The following ABAT variants were observed in gnomAD, a reference collection of about 807,000 sequenced individuals.
The protein encoded by ABAT is 4-aminobutyrate aminotransferase, also known as 4-aminobutyrate aminotransferase, mitochondrial.
A neutral mutation model predicts 64.6 loss-of-function variants in ABAT; 45 were observed. The ratio of observed to expected loss-of-function variants is 0.70; its 90% confidence interval spans 0.55 to 0.89. The LOEUF (loss-of-function observed/expected upper bound fraction) is 0.89, where lower values mean the gene tolerates loss of function less well. Ranked by LOEUF, ABAT falls within the 40% of genes least tolerant of loss-of-function variation. The probability of loss-of-function intolerance (pLI) is 0.00; values close to 1 mark genes in which losing one functional copy is unlikely to be tolerated. For synonymous variants in ABAT, 297 were observed against 250.5 expected (o/e 1.19, Z -1.75); for missense variants, 633 against 658.4 (o/e 0.96, Z 0.42).
intron 1 of ABAT, among the ~76,000 whole-genome samples, chr16:8,718,418 A>C (rs2142148140): frequency 6.6e-6 from 1 of 152,336 alleles, no homozygotes; most frequent in South Asian, 2.1e-4. Flanking sequence ...AATGGCAATG[A>C]AAAAAAGTTT....
intron 1 of ABAT, among the ~76,000 whole-genome samples, chr16:8,679,063 G>C (rs987101147): frequency 6.6e-6 from 1 of 152,082 alleles, no homozygotes; most frequent in African/African-American, 2.4e-5. Flanking sequence ...TCACGTCTGC[G>C]ATCCCAGCAC....
Position 8,768,725 on chromosome 16 carries a change from C to T in ABAT, c.668-100C>T, listed in dbSNP as rs1242221466. 4.5e-6 allele frequency: 7 copies of T among 1,552,180 alleles called. No homozygotes were observed. The East Asian group carries it at 1.3e-4, about 30-fold the overall frequency. ...CACAGGCAACAGGCCTCCCTGCCCACTGACAGCCTTGCGCTGAAATGTCTA... is the reference window on the plus strand; with the variant it reads ...CACAGGCAACAGGCCTCCCTGCCCATTGACAGCCTTGCGCTGAAATGTCTA... On this transcript the variant is annotated intron_variant, in intron 10 of 15. Coordinates refer to ENST00000268251, the MANE Select transcript of ABAT (RefSeq NM_020686.6).
At chr16:8,697,882 C>A (rs1857860763) in intron 1 of ABAT, among the ~76,000 whole-genome samples, 1 of 152,196 alleles carries the variant, frequency 6.6e-6, no homozygotes, top group African/African-American at 2.4e-5. Flanking sequence ...AGTGATCCAC[C>A]TGCGTCAGCC....
intron 5 of ABAT, among the ~76,000 whole-genome samples, chr16:8,756,102 A>T (rs1405406551): frequency 6.6e-6 from 1 of 151,472 alleles, no homozygotes; most frequent in Admixed American, 6.6e-5. Context: ...AAACCCAGCT[A>T]CTCCGGAGGC....
intron 1 of ABAT, among the ~76,000 whole-genome samples, chr16:8,686,216 C>T (rs1273793402): frequency 6.6e-6 from 1 of 152,224 alleles, no homozygotes; most frequent in Non-Finnish European, 1.5e-5. Flanking sequence ...GGTCTGGGGA[C>T]AGGCTGAAAA....
intron 1 of ABAT, among the ~76,000 whole-genome samples, chr16:8,684,260 C>T (rs1383380957): frequency 6.6e-6 from 1 of 152,030 alleles, no homozygotes; most frequent in East Asian, 1.9e-4. Flanking sequence ...GAAGCCGTTC[C>T]AAGAAAATCG....
intron 2 of ABAT, chr16:8,738,484 T>A (rs1434151813): frequency 4.4e-6 from 2 of 455,896 alleles, no homozygotes; most frequent in Non-Finnish European, 8.8e-6. Context: ...TTGTCTCATC[T>A]TCCATGGCCT....
chr16:8,779,815 GTGGACAC>G (rs1161205733), intron 15 of ABAT, among the ~76,000 whole-genome samples: 12 of 152,202 alleles, frequency 7.9e-5, no homozygotes, highest in Admixed American at 7.9e-4. Flanking sequence ...TGAGTTGTAA[GTGGACAC>G]TGGAGACAGT....
chr16:8,743,113 AAAAG>A lies in ABAT; in HGVS notation c.71-2887_71-2884del, dbSNP rs1437303095. Among the ~76,000 whole-genome samples the A allele has an allele frequency of 6.1e-4, 92 of 151,778 alleles. 5 individuals are homozygous for A. The highest frequency in any genetic ancestry group is 6.0e-3 in the Admixed American group (91 of 15,230). The stretch of plus-strand genomic sequence containing the variant: ...TTTTTCAGATCAAAGAGAAGAAAAT[AAAAG>A]CTGTTTTTCTTCATCCTTATATAAG... On this transcript the variant is annotated intron_variant, in intron 2 of 15. Coordinates refer to ENST00000268251, the MANE Select transcript of ABAT (RefSeq NM_020686.6).
In ABAT at chr16:8,746,038, C is replaced by A. The variant is rs751650520; in HGVS notation, c.108C>A (p.Asp36Glu). ...RHISQAAAKVDVEFDYDGPLM... is the reference protein window; with the variant it reads ...RHISQAAAKVEVEFDYDGPLM... The stretch of plus-strand genomic sequence containing the variant: ...TTAGTCAAGCTGCAGCCAAAGTCGA[C>A]GTTGAATTTGATTATGATGGGCCTC... Residue 36 changes from aspartate to glutamate, a missense_variant, in exon 3 of 16, where the codon GAC becomes GAA. Coordinates refer to ENST00000268251, the MANE Select transcript of ABAT (RefSeq NM_020686.6). 13 of 1,613,840 alleles carry A rather than the reference C, an allele frequency of 8.1e-6. No homozygotes were observed. Among genetic ancestry groups the A allele is most frequent in the Non-Finnish European group, 9.3e-6 (11 of 1,179,974 alleles).
chr16:8,694,636 C>G (rs373185264), intron 1 of ABAT, among the ~76,000 whole-genome samples: 8 of 152,256 alleles, frequency 5.3e-5, no homozygotes, highest in African/African-American at 1.9e-4. Flanking sequence ...CCTCAACCTC[C>G]CAAAGTGCTG....
At position 8,760,969 on chromosome 16, in the gene ABAT, C is replaced by T. The variant is rs138278407; in HGVS notation, c.367-3100C>T. On this transcript the variant is annotated intron_variant, in intron 6 of 15. Coordinates refer to ENST00000268251, the MANE Select transcript of ABAT (RefSeq NM_020686.6). ...TGGTGCATACCTGTAGTCCCAGCTA[C>T]TCAGGAGGCTGAGGTGGGAGGATCG... Among the ~76,000 whole-genome samples the T allele has an allele frequency of 9.5e-3, 1,452 of 152,242 alleles. 27 individuals are homozygous for T. The highest frequency in any genetic ancestry group is 0.033 in the African/African-American group (1,376 of 41,538).
intron 10 of ABAT, 83 bp downstream of exon 10, chr16:8,768,339 G>A: frequency 7.1e-7 from 1 of 1,399,454 alleles, no homozygotes; most frequent in Non-Finnish European, 1.0e-6. Context: ...GACATTAGCA[G>A]TTTACACATA....
At position 8,781,737 on chromosome 16, in the gene ABAT, A is replaced by G. The variant is rs2060444385; in HGVS notation, c.*307A>G. 2.2e-6 allele frequency: 1 copy of G among 457,042 alleles called. No homozygotes were observed. Among genetic ancestry groups the G allele is most frequent in the African/African-American group, 2.0e-5 (1 of 50,452 alleles). The allele number at this position is 457,042 out of a possible 1,614,324, so 28.3% of individuals were successfully genotyped here. A position where few individuals can be genotyped will look rare whatever the true frequency, so the allele number is the denominator to read the frequency against. On this transcript the variant is annotated 3_prime_UTR_variant, in exon 16 of 16. Transcript: ENST00000268251. The surrounding 1 kb of genome is among the most constrained non-coding windows in gnomAD (Gnocchi z 4.5). ...CTAGAGTTCTGCCCAACCTTGACCA[A>G]CCCCAGCAATTTTTCCAAAAGCCAG... is the stretch of plus-strand genomic sequence containing the variant.
At chr16:8,732,799 C>T (rs1301065993) in intron 1 of ABAT, among the ~76,000 whole-genome samples, 1 of 149,496 alleles carries the variant, frequency 6.7e-6, no homozygotes, top group African/African-American at 2.5e-5. Context: ...TAGGGGCGGC[C>T]GGGCAGAGGC....
chr16:8,697,268 C>A (rs2057724199), intron 1 of ABAT, among the ~76,000 whole-genome samples: 1 of 152,228 alleles, frequency 6.6e-6, no homozygotes, highest in Admixed American at 6.5e-5. Context: ...TTGAGGTCAT[C>A]ATTAGAAGGT....
At chr16:8,761,013 T>C (rs2059780075) in intron 6 of ABAT, among the ~76,000 whole-genome samples, 1 of 152,090 alleles carries the variant, frequency 6.6e-6, no homozygotes, top group Admixed American at 6.5e-5. Flanking sequence ...CAGGAAGTCA[T>C]TGCAGTGAGC....
At chr16:8,711,831 A>G (rs1465749634) in intron 1 of ABAT, among the ~76,000 whole-genome samples, 3 of 83,114 alleles carry the variant, frequency 3.6e-5, no homozygotes, top group Admixed American at 2.6e-4. Context: ...TGGATGGAAA[A>G]ATGGATGGGA....
In ABAT at chr16:8,723,809, T is replaced by TTATATATATATATA. The variant is rs540646083; in HGVS notation, c.-41-11884_-41-11871dup. Among the ~76,000 whole-genome samples, 38 of 44,820 alleles carry TTATATATATATATA rather than the reference T, an allele frequency of 8.5e-4. No homozygotes were observed. The East Asian group carries it at 0.014, about 16-fold the overall frequency. 29.4% of individuals were successfully genotyped at this position (44,820 alleles called of 152,430 possible). ...GGGCAGTGGTTTGGATCCAAGCTTT[T>TTATATATATATATA]TATATATATATATATATATTTTTTT... On this transcript the variant is annotated intron_variant, in intron 1 of 15. Transcript: ENST00000268251.
Sources: gnomAD v4.1 joint callset for allele counts (sites outside exome capture counted in the v4.1 genomes callset) on GRCh38, gnomAD v4.1.1 for gene constraint, Gnocchi (gnomAD v3.1) non-coding constraint, MANE v1.5 for transcripts, NCBI Gene and HGNC (gene_info 2026-07-23, HGNC 2026-07-21) for gene names.